SENP5: variants seen among roughly 807,000 people sequenced by gnomAD.
The protein encoded by SENP5 is sentrin-specific protease 5.
SENP5 carries 21 observed loss-of-function variants against 74.2 expected under a neutral mutation model. That is an observed-to-expected ratio of 0.28 (90% CI 0.20 to 0.41). SENP5 has a LOEUF of 0.41. Ranked by LOEUF, SENP5 falls within the 10% of genes least tolerant of loss-of-function variation. The pLI, the probability that SENP5 is intolerant of heterozygous loss-of-function variation, is 1.00. For missense variants in SENP5, 717 were observed against 889.1 expected (o/e 0.81, Z 2.46); for synonymous variants, 311 against 312.7 (o/e 0.99, Z 0.06).
intron 6 of SENP5, among the ~76,000 whole-genome samples, chr3:196,906,493 AG>A (rs1433928828): frequency 3.9e-5 from 6 of 152,220 alleles, no homozygotes; most frequent in Non-Finnish European, 1.5e-5. Flanking sequence ...AAAGTACTAC[AG>A]GAGTGTATTG....
At chr3:196,882,426 A>G (rs1278723974) in intron 1 of SENP5, among the ~76,000 whole-genome samples, 6 of 151,980 alleles carry the variant, frequency 3.9e-5, no homozygotes, top group Admixed American at 2.6e-4. Flanking sequence ...AGTTGACTTT[A>G]TATAGTTTTT....
At chr3:196,896,601 C>T (rs1401975439) in intron 2 of SENP5, among the ~76,000 whole-genome samples, 4 of 152,136 alleles carry the variant, frequency 2.6e-5, no homozygotes, top group African/African-American at 2.4e-5. Context: ...ATTACAGGCA[C>T]GCTAACATGC....
At chr3:196,911,190 A>C (rs1715108635) in intron 6 of SENP5, among the ~76,000 whole-genome samples, 4 of 151,862 alleles carry the variant, frequency 2.6e-5, no homozygotes, top group Admixed American at 2.6e-4. Flanking sequence ...CACCAAAAGC[A>C]ATTGCAGCAA....
chr3:196,872,730 G>A (rs1001891154), intron 1 of SENP5, among the ~76,000 whole-genome samples: 5 of 152,182 alleles, frequency 3.3e-5, no homozygotes, highest in African/African-American at 4.8e-5. Context: ...TAAAGGTTTA[G>A]TTCCTCACTT....
chr3:196,927,992 G>A (rs1715879511), intron 8 of SENP5, 113 bp downstream of exon 8: 3 of 620,710 alleles, frequency 4.8e-6, no homozygotes, highest in Non-Finnish European at 8.4e-6. Context: ...AGGAGAGCCT[G>A]GAGGCTCCAG....
At chr3:196,917,874 A>C (rs957995697) in intron 6 of SENP5, among the ~76,000 whole-genome samples, 7 of 152,146 alleles carry the variant, frequency 4.6e-5, no homozygotes, top group African/African-American at 1.7e-4. Context: ...AAGGTACAAA[A>C]CTCACTGGTA....
intron 2 of SENP5, among the ~76,000 whole-genome samples, chr3:196,887,323 G>T (rs1296044408): frequency 2.0e-5 from 3 of 152,002 alleles, no homozygotes; most frequent in Non-Finnish European, 4.4e-5. Context: ...GGGATTACAG[G>T]CACCCGCCAC....
chr3:196,890,903 T>C (rs1714173685), intron 2 of SENP5, among the ~76,000 whole-genome samples: 1 of 151,976 alleles, frequency 6.6e-6, no homozygotes, highest in South Asian at 2.1e-4. Context: ...GGTTACTTCT[T>C]TTGGAGGGAA....
At chr3:196,895,078 C>T (rs372363308) in intron 2 of SENP5, among the ~76,000 whole-genome samples, 44 of 152,288 alleles carry the variant, frequency 2.9e-4, no homozygotes, top group African/African-American at 1.0e-3. Flanking sequence ...TTCTTACGTG[C>T]ACAGCACGGG....
intron 9 of SENP5, among the ~76,000 whole-genome samples, chr3:196,930,311 T>G (rs1314113708): frequency 3.3e-5 from 5 of 152,290 alleles, no homozygotes; most frequent in African/African-American, 9.6e-5. Context: ...GGTTGCACTT[T>G]GGGAGGAATT....
chr3:196,912,396 G>T (rs1487746882), intron 6 of SENP5, among the ~76,000 whole-genome samples: 1 of 152,016 alleles, frequency 6.6e-6, no homozygotes, highest in Non-Finnish European at 1.5e-5. Context: ...ATAGGGAGGG[G>T]AACAACATAC....
intron 1 of SENP5, among the ~76,000 whole-genome samples, chr3:196,868,302 C>T (rs764046200): frequency 2.6e-5 from 4 of 152,260 alleles, no homozygotes; most frequent in Non-Finnish European, 5.9e-5. Context: ...TCGCTCCAGC[C>T]GGGCTGTGCG....
rs1219299637 is a variant in SENP5 at position 196,867,941 on chromosome 3, G to T, written c.-164G>T. On this transcript the variant is annotated 5_prime_UTR_variant, in exon 1 of 10. Coordinates refer to ENST00000323460, the MANE Select transcript of SENP5 (RefSeq NM_152699.5). ...CTTCAGAGGAAGCTCGGCGGCTGTGGCCGCGGCGAACAGGCCGGACGCCTC... is the reference window on the plus strand; with the variant it reads ...CTTCAGAGGAAGCTCGGCGGCTGTGTCCGCGGCGAACAGGCCGGACGCCTC... 1 of 152,196 alleles carries T rather than the reference G, an allele frequency of 6.6e-6. No homozygotes were observed. Among genetic ancestry groups the T allele is most frequent in the African/African-American group, 2.4e-5 (1 of 41,454 alleles). The allele number at this position is 152,196 out of a possible 1,614,324, so 9.4% of individuals were successfully genotyped here. A position where few individuals can be genotyped will look rare whatever the true frequency, so the allele number is the denominator to read the frequency against.
Position 196,885,129 on chromosome 3 carries a change from AACTT to A in SENP5, c.-31-17_-31-14del, listed in dbSNP as rs1713896224. 2.2e-6 allele frequency: 3 copies of A among 1,377,010 alleles called. No individual in the cohort carries two copies. The highest frequency in any genetic ancestry group is 2.0e-6 in the Non-Finnish European group (2 of 999,568). 85.3% of individuals were successfully genotyped at this position (1,377,010 alleles called of 1,614,324 possible). On this transcript the variant is annotated intron_variant, in intron 1 of 9. Coordinates refer to ENST00000323460, the MANE Select transcript of SENP5 (RefSeq NM_152699.5). ...TGACCTTATTTTTAGATAGAAATAT[AACTT>A]ACTTCTCTTCTTTACAGCTGCATCC...
At chr3:196,877,765 C>T (rs1369539823) in intron 1 of SENP5, among the ~76,000 whole-genome samples, 1 of 152,166 alleles carries the variant, frequency 6.6e-6, no homozygotes, top group Non-Finnish European at 1.5e-5. Context: ...CTCGTGAGTT[C>T]TCTACAGAAT....
At chr3:196,891,340 A>G (rs932594991) in intron 2 of SENP5, among the ~76,000 whole-genome samples, 2 of 151,984 alleles carry the variant, frequency 1.3e-5, no homozygotes, top group African/African-American at 4.8e-5. Context: ...TTTGTGGGGT[A>G]ATGGAGGTGT....
intron 6 of SENP5, chr3:196,913,274 A>G (rs1290653259): frequency 6.6e-6 from 1 of 152,212 alleles, no homozygotes; most frequent in Non-Finnish European, 1.5e-5. Flanking sequence ...AAAATTGAAC[A>G]TGTACTTAGC....
intron 6 of SENP5, among the ~76,000 whole-genome samples, chr3:196,911,804 C>T (rs1037933960): frequency 3.3e-5 from 5 of 151,118 alleles, no homozygotes; most frequent in Admixed American, 1.3e-4. Flanking sequence ...AGCAAGACTC[C>T]GTCTCAAAAA....
chr3:196,872,789 A>G (rs1016006072), intron 1 of SENP5, among the ~76,000 whole-genome samples: 2 of 152,210 alleles, frequency 1.3e-5, no homozygotes, highest in African/African-American at 4.8e-5. Context: ...CCCAGAGGCT[A>G]CCGTATTGGG....
Sources: allele counts gnomAD v4.1 joint callset (sites outside exome capture counted in the v4.1 genomes callset), GRCh38; gene constraint gnomAD v4.1.1; transcripts MANE v1.5; gene names NCBI Gene and HGNC (gene_info 2026-07-23, HGNC 2026-07-21).